The following CFTR variants were observed in gnomAD, a reference collection of about 807,000 sequenced individuals.
The protein encoded by CFTR is cystic fibrosis transmembrane conductance regulator.
A neutral mutation model predicts 171.6 loss-of-function variants in CFTR; 181 were observed. The ratio of observed to expected loss-of-function variants is 1.05; its 90% CI spans 0.93 to 1.19. CFTR has a LOEUF of 1.19. Among genes scored for constraint, CFTR ranks in the 50% most tolerant of loss-of-function variants. CFTR has a pLI of 0.00. For synonymous variants in CFTR, 583 were observed against 608.0 expected, an observed-to-expected ratio of 0.96 and a Z score of 0.60; for missense variants, 1,968 against 1,734.7, an observed-to-expected ratio of 1.13 and a Z score of -2.39.
chr7:117,542,773 T>C (rs575356685), intron 9 of CFTR, among the ~76,000 whole-genome samples: 4 of 152,306 alleles, frequency 2.6e-5, no homozygotes, highest in South Asian at 2.1e-4. Flanking sequence ...TGGCTCTCCA[T>C]GTGTAAAATG....
At chr7:117,630,707 C>T (rs528017642) in intron 22 of CFTR, among the ~76,000 whole-genome samples, 65 of 152,278 alleles carry the variant, frequency 4.3e-4, no homozygotes, top group African/African-American at 1.5e-3. Context: ...CTCCAGTCCA[C>T]GGTGGGCATG....
intron 22 of CFTR, among the ~76,000 whole-genome samples, chr7:117,641,893 G>A (rs2116165154): frequency 6.6e-6 from 1 of 152,308 alleles, no homozygotes; most frequent in East Asian, 1.9e-4. Flanking sequence ...GGAGTGGTAA[G>A]GCCTTCGCCC....
At chr7:117,546,503 G>A (rs910926330) in intron 9 of CFTR, among the ~76,000 whole-genome samples, 9 of 151,850 alleles carry the variant, frequency 5.9e-5, no homozygotes, top group Admixed American at 5.9e-4. Context: ...ATAAATGTGT[G>A]GAGTGATATC....
intron 15 of CFTR, among the ~76,000 whole-genome samples, chr7:117,595,315 A>G (rs984554698): frequency 6.6e-6 from 1 of 150,790 alleles, no homozygotes; most frequent in African/African-American, 2.4e-5. Context: ...ACCACTACTG[A>G]TATTTTATTA....
chr7:117,619,940 A>G (rs1364369366), intron 21 of CFTR, among the ~76,000 whole-genome samples: 1 of 151,634 alleles, frequency 6.6e-6, no homozygotes, highest in East Asian at 2.0e-4. Context: ...GACTGATTGT[A>G]CCATGACCAA....
intron 11 of CFTR, among the ~76,000 whole-genome samples, chr7:117,562,121 C>T (rs963836007): frequency 2.0e-5 from 3 of 152,102 alleles, no homozygotes; most frequent in Non-Finnish European, 4.4e-5. Context: ...TAGAGACTAG[C>T]TTGTATTATC....
intron 22 of CFTR, among the ~76,000 whole-genome samples, chr7:117,631,482 C>G (rs1454676604): frequency 1.3e-5 from 2 of 152,122 alleles, no homozygotes; most frequent in Non-Finnish European, 2.9e-5. Context: ...CATCTTCCCC[C>G]CTTGACCTCC....
At chr7:117,544,711 T>C (rs1477878335) in intron 9 of CFTR, among the ~76,000 whole-genome samples, 1 of 152,230 alleles carries the variant, frequency 6.6e-6, no homozygotes, top group African/African-American at 2.4e-5. Flanking sequence ...ACAATTTCTT[T>C]CCTGACTTTC....
chr7:117,631,998 G>C (rs898302430), intron 22 of CFTR, among the ~76,000 whole-genome samples: 2 of 152,146 alleles, frequency 1.3e-5, no homozygotes. Context: ...AACCCACATT[G>C]TTGGTGTCAG....
At position 117,665,478 on chromosome 7, in the gene CFTR, A is replaced by G. The variant is rs1294335109; in HGVS notation, c.4156A>G (p.Arg1386Gly). The change falls in exon 26 of 27, where the codon AGA (arginine) becomes GGA (glycine). Residue 1386 changes from arginine to glycine, a missense_variant. Coordinates refer to ENST00000003084, the MANE Select transcript of CFTR (RefSeq NM_000492.4). Reference protein sequence around the residue: ...LDPVTYQIIRRTLKQAFADCT... With the variant: ...LDPVTYQIIRGTLKQAFADCT... The stretch of plus-strand genomic sequence containing the variant: ...TTCTAGAACATACCAAATAATTAGA[A>G]GAACTCTAAAACAAGCATTTGCTGA... 6.2e-7 allele frequency: 1 copy of G among 1,608,222 alleles called. No individual in the cohort carries two copies. The highest frequency in any genetic ancestry group is 8.5e-7 in the Non-Finnish European group (1 of 1,174,826).
chr7:117,495,129 G>A (rs1415737976), intron 1 of CFTR, among the ~76,000 whole-genome samples: 1 of 152,022 alleles, frequency 6.6e-6, no homozygotes, highest in African/African-American at 2.4e-5. Context: ...GAGAGCAATG[G>A]CATCCCTTGT....
chr7:117,600,977 C>T (rs2106155), intron 15 of CFTR, among the ~76,000 whole-genome samples: 4 of 151,758 alleles, frequency 2.6e-5, no homozygotes, highest in South Asian at 4.1e-4. Flanking sequence ...ATGTGGAAAC[C>T]GTGAGGAAAT....
At chr7:117,491,496 A>G (rs1798159221) in intron 1 of CFTR, among the ~76,000 whole-genome samples, 1 of 152,064 alleles carries the variant, frequency 6.6e-6, no homozygotes, top group African/African-American at 2.4e-5. Context: ...TACAAGATCA[A>G]GGTGTTGGCA....
At chr7:117,583,203 G>A (rs764044441) in intron 11 of CFTR, among the ~76,000 whole-genome samples, 1 of 151,676 alleles carries the variant, frequency 6.6e-6, no homozygotes, top group Non-Finnish European at 1.5e-5. Flanking sequence ...ATAGTTTTTG[G>A]GCTACAGGTG....
At chr7:117,631,832 G>A (rs764602892) in intron 22 of CFTR, among the ~76,000 whole-genome samples, 3 of 152,138 alleles carry the variant, frequency 2.0e-5, no homozygotes, top group Non-Finnish European at 2.9e-5. Context: ...TCATGGATAC[G>A]TGCAATTTAC....
chr7:117,579,009 A>T (rs1361007597), intron 11 of CFTR, among the ~76,000 whole-genome samples: 1 of 152,096 alleles, frequency 6.6e-6, no homozygotes, highest in Non-Finnish European at 1.5e-5. Flanking sequence ...TAGCTATATG[A>T]TAAGATGGCT....
At chr7:117,622,788 G>C (rs551655162) in intron 21 of CFTR, among the ~76,000 whole-genome samples, 1 of 152,118 alleles carries the variant, frequency 6.6e-6, no homozygotes, top group East Asian at 1.9e-4. Flanking sequence ...TCTAGAAAAA[G>C]CCTGTAAGCC....
At chr7:117,535,998 A>G (rs1798948402) in intron 6 of CFTR, among the ~76,000 whole-genome samples, 1 of 152,202 alleles carries the variant, frequency 6.6e-6, no homozygotes, top group East Asian at 1.9e-4. Flanking sequence ...ATTAAAGGGA[A>G]TACCTAATTT....
chr7:117,488,775 A>G (rs1367633726), intron 1 of CFTR, among the ~76,000 whole-genome samples: 1 of 152,162 alleles, frequency 6.6e-6, no homozygotes, highest in Admixed American at 6.6e-5. Flanking sequence ...GTGATTTTGT[A>G]TAACATTTAT....
Sources: allele counts gnomAD v4.1 joint callset (sites outside exome capture counted in the v4.1 genomes callset), GRCh38; gene constraint gnomAD v4.1.1; transcripts MANE v1.5; gene names NCBI Gene and HGNC (gene_info 2026-07-23, HGNC 2026-07-21).